DMRT1: variants seen among roughly 807,000 people sequenced by gnomAD.
DMRT1 encodes doublesex- and mab-3-related transcription factor 1.
In DMRT1, 7 loss-of-function variants were observed where a neutral mutation model predicts 32.3. That is an observed-to-expected ratio of 0.22 (90% CI 0.12 to 0.41). The LOEUF (loss-of-function observed/expected upper bound fraction) is 0.41. Ranked by LOEUF, DMRT1 falls within the 10% of genes least tolerant of loss-of-function variation. The pLI is 1.00. For synonymous variants in DMRT1, 278 were observed against 206.1 expected, an observed-to-expected ratio of 1.35 and a Z score of -2.99; for missense variants, 625 against 500.5, an observed-to-expected ratio of 1.25 and a Z score of -2.37.
At chr9:906,052 C>G (rs58027327) in intron 3 of DMRT1, among the ~76,000 whole-genome samples, 806 of 75,482 alleles carry the variant, frequency 0.011, 8 homozygotes, top group African/African-American at 0.024. Flanking sequence ...CACACACACA[C>G]TCACACACTC....
intron 4 of DMRT1, among the ~76,000 whole-genome samples, chr9:964,268 G>A (rs1819863610): frequency 6.6e-6 from 1 of 151,686 alleles, no homozygotes; most frequent in Non-Finnish European, 1.5e-5. Context: ...ATGGTTAGAT[G>A]GCATCAAAAT....
intron 4 of DMRT1, among the ~76,000 whole-genome samples, chr9:937,005 C>G (rs1368265317): frequency 6.6e-6 from 1 of 152,168 alleles, no homozygotes; most frequent in Non-Finnish European, 1.5e-5. Context: ...TTCCCATTTT[C>G]CATTTCCTCC....
intron 4 of DMRT1, among the ~76,000 whole-genome samples, chr9:963,576 A>T (rs1819843284): frequency 6.6e-6 from 1 of 152,240 alleles, no homozygotes; most frequent in South Asian, 2.1e-4. Flanking sequence ...ATGATAGATC[A>T]GGTGGAATAA....
chr9:884,820 A>C (rs1404957219), intron 2 of DMRT1, among the ~76,000 whole-genome samples: 1 of 152,086 alleles, frequency 6.6e-6, no homozygotes, highest in Non-Finnish European at 1.5e-5. Context: ...AAATAGAAAA[A>C]TTAGCCAGGC....
chr9:967,779 A>G (rs747962693), intron 4 of DMRT1, among the ~76,000 whole-genome samples: 6 of 152,234 alleles, frequency 3.9e-5, no homozygotes, highest in Non-Finnish European at 8.8e-5. Context: ...AAATAGGTAT[A>G]CTGTGTAGAA....
chr9:904,008 C>T (rs1817681811), intron 3 of DMRT1, among the ~76,000 whole-genome samples: 1 of 152,146 alleles, frequency 6.6e-6, no homozygotes. Context: ...GTAAGAAATC[C>T]CCTGTAAAGT....
intron 3 of DMRT1, among the ~76,000 whole-genome samples, chr9:895,953 C>T (rs142472578): frequency 0.04 from 6,098 of 151,656 alleles, 276 homozygotes; most frequent in East Asian, 0.14. Flanking sequence ...TACAGGCACG[C>T]GCCACCAAGC....
chr9:934,743 A>G (rs1322738208), intron 4 of DMRT1, among the ~76,000 whole-genome samples: 2 of 152,008 alleles, frequency 1.3e-5, no homozygotes, highest in Non-Finnish European at 2.9e-5. Context: ...TTTGTTAAAC[A>G]CTCTCCTTTC....
At chr9:862,554 TC>T (rs1280322750) in intron 2 of DMRT1, among the ~76,000 whole-genome samples, 1 of 151,834 alleles carries the variant, frequency 6.6e-6, no homozygotes, top group Admixed American at 6.6e-5. Context: ...AGATTTACTT[TC>T]TTAAAATATC....
At chr9:905,470 G>T (rs752354636) in intron 3 of DMRT1, among the ~76,000 whole-genome samples, 2 of 86,766 alleles carry the variant, frequency 2.3e-5, no homozygotes, top group Admixed American at 1.4e-4. Flanking sequence ...TCACTCCCTT[G>T]CCCCTGTGTG....
intron 2 of DMRT1, among the ~76,000 whole-genome samples, chr9:858,301 T>C (rs952867572): frequency 5.3e-5 from 8 of 152,138 alleles, no homozygotes; most frequent in African/African-American, 1.9e-4. Flanking sequence ...GTCCTTGTAT[T>C]GTGCTGCCTT....
At chr9:896,575 G>A (rs1817376009) in intron 3 of DMRT1, among the ~76,000 whole-genome samples, 3 of 152,100 alleles carry the variant, frequency 2.0e-5, no homozygotes, top group Admixed American at 2.0e-4. Flanking sequence ...AGCACTTTGG[G>A]AGGCCGAGGC....
intron 2 of DMRT1, among the ~76,000 whole-genome samples, chr9:882,957 A>G (rs1165369737): frequency 6.6e-6 from 1 of 151,488 alleles, no homozygotes; most frequent in East Asian, 2.0e-4. Context: ...TTTTTAGTAG[A>G]GACGGGGTTT....
At chr9:884,833 G>A (rs561614415) in intron 2 of DMRT1, among the ~76,000 whole-genome samples, 19 of 152,188 alleles carry the variant, frequency 1.2e-4, no homozygotes, top group African/African-American at 4.3e-4. Context: ...AGCCAGGCAC[G>A]GTGGTGCGCA....
intron 4 of DMRT1, among the ~76,000 whole-genome samples, chr9:952,359 C>T (rs1484875711): frequency 6.6e-6 from 1 of 152,122 alleles, no homozygotes; most frequent in Non-Finnish European, 1.5e-5. Context: ...GTACTCGGCT[C>T]CCAAAGAGGC....
intron 4 of DMRT1, among the ~76,000 whole-genome samples, chr9:943,220 C>T (rs1819134416): frequency 6.6e-6 from 1 of 152,178 alleles, no homozygotes; most frequent in Admixed American, 6.5e-5. Flanking sequence ...TCCTAGAGAG[C>T]CTTCCAGAAT....
intron 1 of DMRT1, among the ~76,000 whole-genome samples, chr9:845,017 C>T (rs1470372812): frequency 2.6e-5 from 4 of 151,928 alleles, no homozygotes; most frequent in Admixed American, 1.3e-4. Flanking sequence ...CCACTGCGCC[C>T]GGCCTGTAGT....
chr9:845,041 T>C (rs898936363), intron 1 of DMRT1, among the ~76,000 whole-genome samples: 2 of 152,074 alleles, frequency 1.3e-5, no homozygotes, highest in Non-Finnish European at 2.9e-5. Flanking sequence ...GTTTTTTAAT[T>C]GAACGTTTTG....
At chr9:858,387 A>G (rs1432455798) in intron 2 of DMRT1, among the ~76,000 whole-genome samples, 1 of 152,126 alleles carries the variant, frequency 6.6e-6, no homozygotes, top group East Asian at 1.9e-4. Context: ...CTTACTCAGC[A>G]GCATCCCCCT....
Sources: gnomAD v4.1 joint callset for allele counts (sites outside exome capture counted in the v4.1 genomes callset) on GRCh38, gnomAD v4.1.1 for gene constraint, MANE v1.5 for transcripts, NCBI Gene and HGNC (gene_info 2026-07-23, HGNC 2026-07-21) for gene names.